Variants in FBXL13 observed in about 807,000 individuals in gnomAD.
FBXL13 encodes the protein F-box and leucine-rich repeat protein 13.
FBXL13 carries 67 observed loss-of-function variants against 83.6 expected under a neutral mutation model. The ratio of observed to expected loss-of-function variants is 0.80; its 90% CI spans 0.66 to 0.98. FBXL13 has a LOEUF of 0.98. FBXL13 is among the 50% of genes least tolerant of loss of function. The pLI, the probability that FBXL13 is intolerant of heterozygous loss-of-function variation, is 0.00. For synonymous variants in FBXL13, 272 were observed against 299.5 expected (o/e 0.91, Z 0.95); for missense variants, 822 against 866.5 (o/e 0.95, Z 0.64).
At chr7:102,877,687 T>G in intron 15 of FBXL13, 94 bp from the exon 17 acceptor site, 1 of 1,302,120 alleles carries the variant, frequency 7.7e-7, no homozygotes, top group Non-Finnish European at 1.1e-6. Flanking sequence ...AAACAAATGG[T>G]ATTGAAGCAA....
At position 102,815,708 on chromosome 7, in the gene FBXL13, C is replaced by T. The variant is rs1797904438; in HGVS notation, c.2019-2177G>A. ...CAAATCCTCATTCACCAAGTTACAT[C>T]TTACCTTAATGTCAGAAGAGCAACA... is the stretch of plus-strand genomic sequence containing the variant. On this transcript the variant is annotated intron_variant, in intron 19 of 19. Transcript: ENST00000313221. Among the ~76,000 whole-genome samples, 3 of 152,026 alleles carry T rather than the reference C, an allele frequency of 2.0e-5. No individual in the cohort carries two copies. The South Asian group carries it at 6.2e-4, about 31-fold the overall frequency.
At chr7:102,851,157 T>C (rs879751943) in intron 17 of FBXL13, among the ~76,000 whole-genome samples, 3 of 152,024 alleles carry the variant, frequency 2.0e-5, no homozygotes, top group Admixed American at 1.3e-4. Flanking sequence ...CATTAGGGAG[T>C]TGCTTTAGAT....
chr7:102,963,762 A>G (rs966680871), intron 7 of FBXL13, 97 bp from the exon 9 acceptor site: 2 of 1,202,720 alleles, frequency 1.7e-6, no homozygotes, highest in Non-Finnish European at 2.3e-6. Context: ...AATTAAACTA[A>G]AGAGCTTCTG....
intron 9 of FBXL13, among the ~76,000 whole-genome samples, chr7:102,931,199 G>A (rs1010387965): frequency 1.3e-5 from 2 of 152,200 alleles, no homozygotes; most frequent in Admixed American, 1.3e-4. Flanking sequence ...GAGCAACTTG[G>A]AGCATGCAGG....
At chr7:102,823,810 G>T (rs1799154903) in intron 18 of FBXL13, among the ~76,000 whole-genome samples, 1 of 152,212 alleles carries the variant, frequency 6.6e-6, no homozygotes, top group African/African-American at 2.4e-5. Flanking sequence ...TTTGGAAAAA[G>T]AGACGTTGCC....
intron 6 of FBXL13, among the ~76,000 whole-genome samples, chr7:102,984,433 G>A (rs574505173): frequency 6.6e-6 from 1 of 152,158 alleles, no homozygotes; most frequent in South Asian, 2.1e-4. Flanking sequence ...AAAGGAATTG[G>A]CTTATGCAAT....
intron 8 of FBXL13, chr7:102,934,433 C>G: frequency 6.2e-7 from 1 of 1,614,194 alleles, no homozygotes; most frequent in Non-Finnish European, 8.5e-7. Context: ...GATAGAAACG[C>G]TTATTTCAAT....
intron 2 of FBXL13, among the ~76,000 whole-genome samples, chr7:103,047,617 A>G (rs1197106532): frequency 6.6e-6 from 1 of 152,272 alleles, no homozygotes; most frequent in Non-Finnish European, 1.5e-5. Context: ...TGTGATATAC[A>G]ATAACTTAAC....
chr7:103,051,015 G>A (rs995840595), intron 2 of FBXL13, among the ~76,000 whole-genome samples: 6 of 151,264 alleles, frequency 4.0e-5, no homozygotes, highest in Admixed American at 6.6e-5. Context: ...GTTACCTTTA[G>A]TAAGATTTTG....
chr7:102,877,713 C>T (rs1809461555), intron 15 of FBXL13, 120 bp from the exon 17 acceptor site: 5 of 1,026,162 alleles, frequency 4.9e-6, no homozygotes, highest in African/African-American at 1.7e-5. Context: ...TTCCTTTACT[C>T]AACATAAAAG....
At chr7:103,012,913 G>C (rs987960449) in intron 6 of FBXL13, among the ~76,000 whole-genome samples, 3 of 152,180 alleles carry the variant, frequency 2.0e-5, no homozygotes, top group African/African-American at 7.2e-5. Context: ...CACATGCACT[G>C]GCACCTCTAG....
chr7:102,869,495 A>ATT (rs138704096), intron 16 of FBXL13, among the ~76,000 whole-genome samples: 9 of 151,686 alleles, frequency 5.9e-5, no homozygotes, highest in East Asian at 5.8e-4. Flanking sequence ...CCATTCGTGC[A>ATT]TTTTTTTTCT....
chr7:102,978,293 C>T (rs1015388541), intron 6 of FBXL13: 1 of 152,114 alleles, frequency 6.6e-6, no homozygotes, highest in Non-Finnish European at 1.5e-5. Context: ...ACCCTTTTTC[C>T]CTTTTTTCTA....
intron 2 of FBXL13, 138 bp from the exon 4 acceptor site, chr7:103,029,556 G>T (rs1794289220): frequency 2.2e-6 from 1 of 450,404 alleles, no homozygotes; most frequent in Non-Finnish European, 3.9e-6. Flanking sequence ...ACAGGAATGG[G>T]CTGAAAGAAC....
intron 11 of FBXL13, among the ~76,000 whole-genome samples, chr7:102,897,234 T>G (rs1812362942): frequency 2.0e-5 from 3 of 151,754 alleles, no homozygotes; most frequent in Admixed American, 1.3e-4. Flanking sequence ...TGAGACAAGA[T>G]GAGATCATCA....
chr7:102,982,107 A>G (rs543058692), intron 6 of FBXL13, among the ~76,000 whole-genome samples: 2 of 152,040 alleles, frequency 1.3e-5, no homozygotes, highest in Non-Finnish European at 2.9e-5. Context: ...AGTTAGGGTC[A>G]ATTACTCCAC....
intron 1 of FBXL13, among the ~76,000 whole-genome samples, chr7:103,065,550 T>C (rs1219850987): frequency 6.6e-6 from 1 of 152,256 alleles, no homozygotes; most frequent in African/African-American, 2.4e-5. Flanking sequence ...CAATTTATTC[T>C]ATCTCATAAA....
intron 18 of FBXL13, among the ~76,000 whole-genome samples, chr7:102,826,233 A>G (rs1389670388): frequency 6.6e-6 from 1 of 152,204 alleles, no homozygotes; most frequent in Non-Finnish European, 1.5e-5. Context: ...ACCCGCCTTG[A>G]AGATGGACAG....
chr7:102,865,052 C>T (rs930512032), intron 16 of FBXL13, among the ~76,000 whole-genome samples: 34 of 152,200 alleles, frequency 2.2e-4, no homozygotes, highest in Non-Finnish European at 4.7e-4. Flanking sequence ...GACCAGTACT[C>T]TTTCAGTTTG....
Sources: allele counts gnomAD v4.1 joint callset (sites outside exome capture counted in the v4.1 genomes callset), GRCh38; gene constraint gnomAD v4.1.1; transcripts MANE v1.5; gene names NCBI Gene and HGNC (gene_info 2026-07-23, HGNC 2026-07-21).